CST3: variants seen among roughly 807,000 people sequenced by gnomAD.
CST3 encodes the protein cystatin-C.
A neutral mutation model predicts 9.0 loss-of-function variants in CST3; 14 were observed. The observed-to-expected ratio is 1.56, with a 90% CI of 1.03 to 2.44. The LOEUF (loss-of-function observed/expected upper bound fraction) is 2.44. Among genes scored for constraint, CST3 ranks in the 30% most tolerant of loss-of-function variants. The pLI is 0.00. For synonymous variants in CST3, 96 were observed against 90.2 expected (o/e 1.06, Z -0.37); for missense variants, 237 against 204.3 (o/e 1.16, Z -0.98).
In CST3 at chr20:23,637,758, T is replaced by G. The variant is rs6138024; in HGVS notation, c.105A>C (p.Leu35=). 6.5e-7 allele frequency: 1 copy of G among 1,532,658 alleles called. No individual in the cohort carries two copies. The highest frequency in any genetic ancestry group is 8.8e-7 in the Non-Finnish European group (1 of 1,140,952). The allele number at this position is 1,532,658 out of a possible 1,614,324, so 94.9% of individuals were successfully genotyped here. ...CGCTGGCGTCCATGGGGCCTCCCAC[T>G]AGGCGCGGCGGCTTGCCGGGACTGG... ...AGSSPGKPPR[L]VGGPMDASVE... Residue 35 remains leucine, a synonymous_variant, in exon 1 of 3, where the codon CTA becomes CTC. Coordinates refer to ENST00000376925, the MANE Select transcript of CST3 (RefSeq NM_000099.4).
At chr20:23,634,150 A>T in intron 2 of CST3, 151 bp from the exon 3 acceptor site, 3 of 722,672 alleles carry the variant, frequency 4.2e-6, no homozygotes, top group Non-Finnish European at 7.4e-6. Context: ...CTGATCCCAG[A>T]GCACCGCTGG....
rs1979637980 is a variant in CST3 at position 23,635,492 on chromosome 20, C to G, written c.244-125G>C. The stretch of plus-strand genomic sequence containing the variant: ...GCTTCAAGCCTACCTTCATGAGCTG[C>G]CCACATTGTCACCTGCAAGGCACAC... On this transcript the variant is annotated intron_variant, in intron 1 of 2. Coordinates refer to ENST00000376925, the MANE Select transcript of CST3 (RefSeq NM_000099.4). 7.4e-6 allele frequency: 6 copies of G among 813,528 alleles called. No individual in the cohort carries two copies. The East Asian group carries it at 1.6e-4, about 22-fold the overall frequency. 50.4% of individuals were successfully genotyped at this position (813,528 alleles called of 1,614,324 possible).
At chr20:23,632,611 C>T (rs1478372164), downstream of CST3, among the ~76,000 whole-genome samples, 1 of 152,210 alleles carries the variant, frequency 6.6e-6, no homozygotes, top group Non-Finnish European at 1.5e-5. Context: ...ATGTGGGGTG[C>T]TGGCCTTGGC....
exon 4 of CST3, chr20:23,627,208 A>G (rs1979285436): frequency 6.6e-6 from 1 of 152,152 alleles, no homozygotes; most frequent in Non-Finnish European, 1.5e-5. Flanking sequence ...GCCCTAGACA[A>G]CCACTAATCT....
chr20:23,637,497 G>C (rs960160171), intron 1 of CST3, 123 bp downstream of exon 1: 2 of 994,720 alleles, frequency 2.0e-6, no homozygotes, highest in Non-Finnish European at 1.4e-6. Context: ...GCGAAGACCG[G>C]GAACAGGGTC....
Position 23,637,701 on chromosome 20 carries a change from G to C in CST3, c.162C>G (p.Asp54Glu). 1 of 1,544,630 alleles carries C rather than the reference G, an allele frequency of 6.5e-7. No individual in the cohort carries two copies. The highest frequency in any genetic ancestry group is 8.7e-7 in the Non-Finnish European group (1 of 1,145,908). ...CTTTGTTGTACTCGCCGACGGCAAAGTCCAGTGCACGCCGCACACCCTCCT... is the reference window on the plus strand; with the variant it reads ...CTTTGTTGTACTCGCCGACGGCAAACTCCAGTGCACGCCGCACACCCTCCT... Reference protein sequence around the residue: ...VEEEGVRRALDFAVGEYNKAS... With the variant: ...VEEEGVRRALEFAVGEYNKAS... Residue 54 changes from aspartate to glutamate, a missense_variant, in exon 1 of 3, where the codon GAC becomes GAG. By Grantham distance (45) the Asp-to-Glu change is conservative (BLOSUM62 2). Transcript: ENST00000376925.
chr20:23,637,927 G>T lies in CST3; in HGVS notation c.-65C>A, dbSNP rs1006748807. The T allele has an allele frequency of 1.4e-5, 17 of 1,231,226 alleles. No individual in the cohort carries two copies. The African/African-American group carries it at 2.5e-4, about 18-fold the overall frequency. 76.3% of individuals were successfully genotyped at this position (1,231,226 alleles called of 1,614,324 possible). A position where few individuals can be genotyped will look rare whatever the true frequency, so the allele number is the denominator to read the frequency against. On this transcript the variant is annotated 5_prime_UTR_variant, in exon 1 of 3. Transcript: ENST00000376925. Reference sequence around the variant, plus strand: ...CGAGAGGCTGGAGCTAGATAGAGAGGACCCGCTGCGATACCGAGGCGAGGC... The same window carrying T: ...CGAGAGGCTGGAGCTAGATAGAGAGTACCCGCTGCGATACCGAGGCGAGGC...
chr20:23,635,430 G>T, intron 1 of CST3, 63 bp from the exon 2 acceptor site: 1 of 1,394,616 alleles, frequency 7.2e-7, no homozygotes, highest in Non-Finnish European at 1.0e-6. Context: ...ACACACACAG[G>T]CACTTCACTG....
At chr20:23,635,164 C>A in intron 2 of CST3, 90 bp downstream of exon 2, 4 of 1,127,460 alleles carry the variant, frequency 3.5e-6, no homozygotes, top group Non-Finnish European at 5.3e-6. Context: ...TGCACACGTA[C>A]CCTGCAGAAC....
At chr20:23,635,154 T>G (rs1568704231) in intron 2 of CST3, 100 bp downstream of exon 2, 12 of 1,051,426 alleles carry the variant, frequency 1.1e-5, no homozygotes, top group Non-Finnish European at 1.8e-5. Context: ...CTCAGGCACA[T>G]GCACACGTAC....
downstream of CST3, among the ~76,000 whole-genome samples, chr20:23,629,795 A>C (rs542953421): frequency 2.9e-4 from 44 of 152,282 alleles, no homozygotes; most frequent in African/African-American, 1.1e-3. Flanking sequence ...AGGGAAGCCA[A>C]GGGCATTTCA....
At position 23,637,815 on chromosome 20, in the gene CST3, G is replaced by A. The variant is rs752589196; in HGVS notation, c.48C>T (p.Ala16=). 9 of 1,388,916 alleles carry A rather than the reference G, an allele frequency of 6.5e-6. No individual in the cohort carries two copies. Among genetic ancestry groups the A allele is most frequent in the South Asian group, 1.3e-5 (1 of 76,534 alleles). 86.0% of individuals were successfully genotyped at this position (1,388,916 alleles called of 1,614,324 possible). The change falls in exon 1 of 3, where the codon GCC becomes GCT. Residue 16 remains alanine (A), a synonymous_variant. Transcript: ENST00000376925. ...RAPLLLLAIL[A]VALAVSPAAG... is the part of the protein sequence containing the mutation. ...CCGCGGGGCTCACGGCCAGGGCCAC[G>A]GCCAGGATGGCCAGCAGGAGCAGCG...
At chr20:23,633,196 T>A (rs553519507), downstream of CST3, among the ~76,000 whole-genome samples, 2 of 152,200 alleles carry the variant, frequency 1.3e-5, no homozygotes, top group Non-Finnish European at 2.9e-5. Flanking sequence ...GAAGCACGCA[T>A]TGATCACTAT....
chr20:23,635,784 C>T (rs907519247), intron 1 of CST3, among the ~76,000 whole-genome samples: 1 of 152,236 alleles, frequency 6.6e-6, no homozygotes, highest in Non-Finnish European at 1.5e-5. Flanking sequence ...AGATGAGATG[C>T]TCACATACAT....
At position 23,637,364 on chromosome 20, in the gene CST3, T is replaced by G. The variant is rs567313048; in HGVS notation, c.243+256A>C. Among the ~76,000 whole-genome samples the G allele has an allele frequency of 2.8e-3, 423 of 152,274 alleles. 3 individuals carry two copies. The highest frequency in any genetic ancestry group is 4.7e-3 in the Non-Finnish European group (317 of 68,010). On this transcript the variant is annotated intron_variant, in intron 1 of 2. Coordinates refer to ENST00000376925, the MANE Select transcript of CST3 (RefSeq NM_000099.4). ...GCCTGCCCCCGCGCTGCGGCGCAGC[T>G]CGAGCTGGCTCCTGGAAGCTGATCT...
At chr20:23,628,209 T>C (rs1333351520) in exon 4 of CST3, 1 of 152,188 alleles carries the variant, frequency 6.6e-6, no homozygotes, top group Non-Finnish European at 1.5e-5. Flanking sequence ...GGGAGGTGCC[T>C]CATGAAGATA....
exon 4 of CST3, chr20:23,628,167 C>T (rs1277932774): frequency 6.6e-6 from 1 of 151,922 alleles, no homozygotes; most frequent in African/African-American, 2.4e-5. Flanking sequence ...TGAGAAGTCC[C>T]GGGGGATCCC....
rs368971982 is a variant in CST3 at position 23,637,609 on chromosome 20, G to A, written c.243+11C>T. ...GCCGGGGCTTCGGACCCTGCGGGGG[G>A]CGGCACGCACCTGCTTGCGGGCGCG... On this transcript the variant is annotated intron_variant, in intron 1 of 2. Transcript: ENST00000376925. 48 of 1,512,584 alleles carry A rather than the reference G, an allele frequency of 3.2e-5. No individual in the cohort carries two copies. Among genetic ancestry groups the A allele is most frequent in the African/African-American group, 2.9e-4 (20 of 69,012 alleles). 93.7% of individuals were successfully genotyped at this position (1,512,584 alleles called of 1,614,324 possible). A position where few individuals can be genotyped will look rare whatever the true frequency, so the allele number is the denominator to read the frequency against.
chr20:23,628,181 G>A (rs1294227940), exon 4 of CST3: 4 of 152,162 alleles, frequency 2.6e-5, no homozygotes, highest in African/African-American at 9.7e-5. Context: ...GGATCCCCAA[G>A]AAATTTGGTT....
Sources: gnomAD v4.1 joint callset for allele counts (sites outside exome capture counted in the v4.1 genomes callset) on GRCh38, gnomAD v4.1.1 for gene constraint, MANE v1.5 for transcripts, NCBI Gene and HGNC (gene_info 2026-07-23, HGNC 2026-07-21) for gene names.